TENT4B: variants seen among roughly 807,000 people sequenced by gnomAD.
TENT4B encodes the protein PAP associated domain containing 5.
A neutral mutation model predicts 75.0 loss-of-function variants in TENT4B; 10 were observed. That is an observed-to-expected ratio of 0.13 (90% CI 0.08 to 0.23). The LOEUF is 0.23. TENT4B is among the 10% of genes least tolerant of loss of function. The pLI is 1.00. For missense variants in TENT4B, 579 were observed against 893.8 expected, an observed-to-expected ratio of 0.65 and a Z score of 4.49; for synonymous variants, 350 against 357.7, an observed-to-expected ratio of 0.98 and a Z score of 0.24.
In TENT4B at chr16:50,230,270, T is replaced by G. The variant is rs1165903932; in HGVS notation, c.*942T>G. Reference sequence around the variant, plus strand: ...TTTGTGTTTGCTTCCTTTGCAGTCTTTTTTTTTTCCCCCCATTTCTTCCTA... The same window carrying G: ...TTTGTGTTTGCTTCCTTTGCAGTCTGTTTTTTTTCCCCCCATTTCTTCCTA... On this transcript the variant is annotated 3_prime_UTR_variant, in exon 12 of 12. Coordinates refer to ENST00000561678, the MANE Select transcript of TENT4B (RefSeq NM_001365324.3). The G allele has an allele frequency of 2.0e-6, 2 of 979,858 alleles. No individual in the cohort carries two copies. Among genetic ancestry groups the G allele is most frequent in the African/African-American group, 3.6e-5 (2 of 56,040 alleles). The allele number at this position is 979,858 out of a possible 1,614,324, so 60.7% of individuals were successfully genotyped here. A position where few individuals can be genotyped will look rare whatever the true frequency, so the allele number is the denominator to read the frequency against.
chr16:50,196,538 T>C (rs564686317), intron 1 of TENT4B, among the ~76,000 whole-genome samples: 1 of 151,418 alleles, frequency 6.6e-6, no homozygotes, highest in Non-Finnish European at 1.5e-5. Context: ...TCCTTCATCA[T>C]GAAAGGAAGA....
At position 50,234,314 on chromosome 16, in the gene TENT4B, T is replaced by C. The variant is rs2032384466; in HGVS notation, c.*4986T>C. On this transcript the variant is annotated 3_prime_UTR_variant, in exon 12 of 12. Transcript: ENST00000561678. ...AATGGTGAGGTGTGGTGGAATTGGG[T>C]AGGGGAGGGAAAGGAGGACTTGGAA... The C allele has an allele frequency of 2.0e-6, 2 of 984,706 alleles. No individual in the cohort carries two copies. The highest frequency in any genetic ancestry group is 1.1e-4 in the East Asian group (1 of 8,762). 61.0% of individuals were successfully genotyped at this position (984,706 alleles called of 1,614,324 possible).
intron 1 of TENT4B, among the ~76,000 whole-genome samples, chr16:50,182,891 CTTTTTTTTTTTTTTTTTTTTTT>C (rs869060811): frequency 2.7e-5 from 1 of 36,458 alleles, no homozygotes; most frequent in Non-Finnish European, 5.1e-5. Flanking sequence ...TTTATTTTAC[CTTTTTTTTTTTTTTTTTTTTTT>C]TTTTTTTTTG....
chr16:50,228,088 T>G (rs904736867), intron 11 of TENT4B, 85 bp downstream of exon 11: 1 of 1,485,922 alleles, frequency 6.7e-7, no homozygotes, highest in Non-Finnish European at 9.1e-7. Flanking sequence ...GCAGCATGGG[T>G]TTGAAGAAAA....
At chr16:50,206,744 TCA>T (rs2030995799) in intron 1 of TENT4B, among the ~76,000 whole-genome samples, 3 of 152,108 alleles carry the variant, frequency 2.0e-5, no homozygotes, top group East Asian at 3.9e-4. Flanking sequence ...ACTAAGCAAC[TCA>T]CAGTGTGCCC....
In TENT4B at chr16:50,216,053, TGTA is replaced by T. The variant is rs773298254; in HGVS notation, c.810-21_810-19del. On this transcript the variant is annotated intron_variant, in intron 3 of 11. Transcript: ENST00000561678. ...AGTTTCCAACTTCTTCCGACCCTCT[TGTA>T]TATGTATTCTGTGTTCAGTGACATC... 1.9e-6 allele frequency: 3 copies of T among 1,613,306 alleles called. No homozygotes were observed. The African/African-American group carries it at 4.0e-5, about 22-fold the overall frequency.
chr16:50,157,900 G>T (rs2037931224), intron 1 of TENT4B, among the ~76,000 whole-genome samples: 1 of 152,076 alleles, frequency 6.6e-6, no homozygotes, highest in African/African-American at 2.4e-5. Context: ...TGAGTAGTTG[G>T]GACTACAGGC....
Position 50,154,533 on chromosome 16 carries a change from GC to G in TENT4B, c.638+282del, listed in dbSNP as rs555834932. Among the ~76,000 whole-genome samples, 14 of 146,174 alleles carry G rather than the reference GC, an allele frequency of 9.6e-5. No homozygotes were observed. In the East Asian group the frequency reaches 1.2e-3, roughly 13 times the overall value. ...TCTTAACCGTCCACACCTTCCCCAG[GC>G]CCCCCCCTTTATCCATTCACTCTCC... On this transcript the variant is annotated intron_variant, in intron 1 of 11. Transcript: ENST00000561678.
At chr16:50,185,167 G>A (rs1466490789) in intron 1 of TENT4B, among the ~76,000 whole-genome samples, 1 of 152,164 alleles carries the variant, frequency 6.6e-6, no homozygotes, top group Non-Finnish European at 1.5e-5. Flanking sequence ...GGGAATTTCT[G>A]CATCTAAGTA....
At chr16:50,209,025 C>T (rs1232466085) in intron 1 of TENT4B, among the ~76,000 whole-genome samples, 1 of 152,208 alleles carries the variant, frequency 6.6e-6, no homozygotes, top group Non-Finnish European at 1.5e-5. Flanking sequence ...GCCACTGCGC[C>T]TGGCCAGAGA....
At chr16:50,225,358 G>A (rs2032003762) in intron 10 of TENT4B, 73 bp downstream of exon 10, 3 of 1,340,132 alleles carry the variant, frequency 2.2e-6, no homozygotes, top group South Asian at 3.0e-5. Flanking sequence ...ACACTGTCTC[G>A]AAGGCTAAGG....
chr16:50,230,059 C>G lies in TENT4B; in HGVS notation c.*731C>G. On this transcript the variant is annotated 3_prime_UTR_variant, in exon 12 of 12. Transcript: ENST00000561678. ...TTAATAGAACCCTTGTGTCCTGCTGCAAAAATTTTTCCTCTCTAAAGAAAA... is the reference window on the plus strand; with the variant it reads ...TTAATAGAACCCTTGTGTCCTGCTGGAAAAATTTTTCCTCTCTAAAGAAAA... 1 of 983,930 alleles carries G rather than the reference C, an allele frequency of 1.0e-6. No homozygotes were observed. The highest frequency in any genetic ancestry group is 1.2e-6 in the Non-Finnish European group (1 of 829,582). The allele number at this position is 983,930 out of a possible 1,614,324, so 60.9% of individuals were successfully genotyped here.
At chr16:50,199,658 A>G (rs2030511352) in intron 1 of TENT4B, among the ~76,000 whole-genome samples, 1 of 152,228 alleles carries the variant, frequency 6.6e-6, no homozygotes, top group African/African-American at 2.4e-5. Context: ...TTTACGTAGT[A>G]ATATGCATTT....
chr16:50,190,370 C>T (rs2038617525), intron 1 of TENT4B, among the ~76,000 whole-genome samples: 1 of 151,956 alleles, frequency 6.6e-6, no homozygotes, highest in Non-Finnish European at 1.5e-5. Flanking sequence ...AATTCAGTGA[C>T]ATTAAGTACA....
At chr16:50,215,147 A>G (rs1014505793) in intron 3 of TENT4B, among the ~76,000 whole-genome samples, 1 of 152,240 alleles carries the variant, frequency 6.6e-6, no homozygotes, top group South Asian at 2.1e-4. Flanking sequence ...GGAAATGATA[A>G]TGTTTCTCCA....
At chr16:50,193,066 C>T (rs1393581397) in intron 1 of TENT4B, among the ~76,000 whole-genome samples, 1 of 152,126 alleles carries the variant, frequency 6.6e-6, no homozygotes, top group African/African-American at 2.4e-5. Flanking sequence ...GAGACCCTGT[C>T]TCAGTGAATG....
Position 50,153,875 on chromosome 16 carries a change from G to T in TENT4B, c.254G>T (p.Arg85Leu). Residue 85 changes from arginine to leucine, a missense_variant, in exon 1 of 12, where the codon CGC (arginine) becomes CTC (leucine). Transcript: ENST00000561678. ...APAPAPAGMY[R>L]SGERLLGSHA... ...GCCCCGGCCCCGGCCGGCATGTATC[G>T]CTCCGGGGAGCGCCTGCTGGGCAGC... The T allele has an allele frequency of 7.3e-6, 11 of 1,506,452 alleles. No individual in the cohort carries two copies. Among genetic ancestry groups the T allele is most frequent in the Non-Finnish European group, 9.7e-6 (11 of 1,134,858 alleles). 93.3% of individuals were successfully genotyped at this position (1,506,452 alleles called of 1,614,324 possible).
At chr16:50,153,289 C>T (rs1184691868), upstream of TENT4B, among the ~76,000 whole-genome samples, 2 of 96,186 alleles carry the variant, frequency 2.1e-5, no homozygotes, top group African/African-American at 4.2e-5. Context: ...CCGCCGCTGC[C>T]GCCGCCGCCG....
chr16:50,153,315 A>AGCCGCC lies in TENT4B; in HGVS notation c.-291_-286dup, dbSNP rs1023664305. Among the ~76,000 whole-genome samples, 46 of 135,928 alleles carry AGCCGCC rather than the reference A, an allele frequency of 3.4e-4. No individual in the cohort carries two copies. Among genetic ancestry groups the AGCCGCC allele is most frequent in the East Asian group, 1.4e-3 (6 of 4,212 alleles). 89.2% of individuals were successfully genotyped at this position (135,928 alleles called of 152,430 possible). On this transcript the variant is annotated 5_prime_UTR_variant, in exon 1 of 12. Coordinates refer to ENST00000561678, the MANE Select transcript of TENT4B (RefSeq NM_001365324.3). Reference sequence around the variant, plus strand: ...GCCGCCGCCGCTCGCTCTTCTGTGGAGCCGCCGCCGCCGCCGCCGCCATTT... The same window carrying AGCCGCC: ...GCCGCCGCCGCTCGCTCTTCTGTGGAGCCGCCGCCGCCGCCGCCGCCGCCGCCATTT...
Sources: gnomAD v4.1 joint callset for allele counts (sites outside exome capture counted in the v4.1 genomes callset) on GRCh38, gnomAD v4.1.1 for gene constraint, MANE v1.5 for transcripts, NCBI Gene and HGNC (gene_info 2026-07-23, HGNC 2026-07-21) for gene names.